Variants in OVCH2 observed in about 807,000 individuals in gnomAD.
OVCH2 encodes the protein ovochymase 2.
In OVCH2, 88 loss-of-function variants were observed where a neutral mutation model predicts 73.7. That is an observed-to-expected ratio of 1.19 (90% CI 1.01 to 1.43). OVCH2 has a LOEUF of 1.43. OVCH2 is among the 40% of genes most tolerant of loss of function. The probability of loss-of-function intolerance (pLI) is 0.00; values close to 1 mark genes in which losing one functional copy is unlikely to be tolerated. For missense variants in OVCH2, 706 were observed against 674.5 expected (o/e 1.05, Z -0.52); for synonymous variants, 265 against 234.5 (o/e 1.13, Z -1.19).
At chr11:7,678,954 T>G in the OVCH2 span, among the ~76,000 whole-genome samples, 24,557 of 152,152 alleles carry the variant, frequency 0.16, 2,062 homozygotes, top group Middle Eastern at 0.18. Context: ...AGGCAAACAT[T>G]TTTTTTAAAT....
downstream of OVCH2, among the ~76,000 whole-genome samples, chr11:7,687,166 T>C (rs995747807): frequency 2.6e-5 from 4 of 152,084 alleles, no homozygotes; most frequent in Non-Finnish European, 5.9e-5. Flanking sequence ...TCAGGGGATA[T>C]ATTTCAGGGC....
chr11:7,683,907 T>A, the OVCH2 span, among the ~76,000 whole-genome samples: 1 of 152,138 alleles, frequency 6.6e-6, no homozygotes, highest in Non-Finnish European at 1.5e-5. Context: ...GACCATACTT[T>A]TTTTTACAAT....
At chr11:7,690,913 A>T (rs1460428597) in intron 14 of OVCH2, among the ~76,000 whole-genome samples, 1 of 152,232 alleles carries the variant, frequency 6.6e-6, no homozygotes, top group Non-Finnish European at 1.5e-5. Flanking sequence ...CGTGTTAGAT[A>T]AGCTTTGTTC....
At chr11:7,688,642 T>A (rs1050994631), downstream of OVCH2, among the ~76,000 whole-genome samples, 4 of 151,258 alleles carry the variant, frequency 2.6e-5, no homozygotes, top group East Asian at 1.9e-4. Flanking sequence ...AAAATAAAAA[T>A]AAAAAATAAA....
chr11:7,692,932 T>G (rs1247156098), intron 12 of OVCH2, among the ~76,000 whole-genome samples: 2 of 152,364 alleles, frequency 1.3e-5, no homozygotes, highest in Middle Eastern at 3.4e-3. Context: ...TCTTAAAAAC[T>G]TGGCAGTGAA....
At chr11:7,681,866 A>AG in the OVCH2 span, among the ~76,000 whole-genome samples, 12 of 151,668 alleles carry the variant, frequency 7.9e-5, no homozygotes, top group Non-Finnish European at 8.8e-5. Context: ...AAAAAAAAAA[A>AG]AAAAAAGAAA....
rs182666528 is a variant in OVCH2, at chr11:7,696,550, A to T, written c.1056T>A (p.His352Gln). The T allele has an allele frequency of 5.1e-5, 82 of 1,614,026 alleles. No individual in the cohort carries two copies. Among genetic ancestry groups the T allele is most frequent in the Admixed American group, 8.3e-5 (5 of 60,020 alleles). ...CTAGGTGGGAAAAACTGAGCAACAC[A>T]TGCATTTCCTCTGGTACCAGCAGGG... Reference protein sequence around the residue: ...VWTLLVPEEMHVLLSFSHLDV... With the variant: ...VWTLLVPEEMQVLLSFSHLDV... Residue 352 changes from histidine (H) to glutamine (Q), a missense_variant, in exon 10 of 16, where the codon CAT (histidine) becomes CAA (glutamine). Transcript: ENST00000533663.
intron 1 of OVCH2, 105 bp from the exon 2 acceptor site, chr11:7,704,779 G>T: frequency 2.8e-6 from 2 of 703,168 alleles, no homozygotes; most frequent in Non-Finnish European, 4.9e-6. Context: ...ATGGTGTATG[G>T]TGCTCAGCAC....
the OVCH2 span, among the ~76,000 whole-genome samples, chr11:7,679,744 A>T: frequency 6.6e-5 from 10 of 152,240 alleles, no homozygotes; most frequent in African/African-American, 7.2e-5. Context: ...TAATACAGAA[A>T]GTTGGATGGA....
chr11:7,696,657 G>A, intron 9 of OVCH2, 52 bp downstream of exon 9: 1 of 1,613,774 alleles, frequency 6.2e-7, no homozygotes, highest in Non-Finnish European at 8.5e-7. Flanking sequence ...CAATTGGTGG[G>A]CCCAGACCGG....
At chr11:7,694,640 A>T (rs78944413) in intron 12 of OVCH2, among the ~76,000 whole-genome samples, 60 of 128,522 alleles carry the variant, frequency 4.7e-4, no homozygotes, top group East Asian at 2.7e-3. Flanking sequence ...TTGTGTTTTG[A>T]GAGTTTCGCT....
the OVCH2 span, among the ~76,000 whole-genome samples, chr11:7,679,734 T>C: frequency 6.6e-6 from 1 of 152,178 alleles, no homozygotes; most frequent in Admixed American, 6.5e-5. Flanking sequence ...GAAAATAGAC[T>C]AATACAGAAA....
chr11:7,682,615 G>C, the OVCH2 span, among the ~76,000 whole-genome samples: 1 of 152,190 alleles, frequency 6.6e-6, no homozygotes, highest in African/African-American at 2.4e-5. Context: ...CTGACTAAAT[G>C]CTCCTTTTGT....
the OVCH2 span, among the ~76,000 whole-genome samples, chr11:7,679,843 A>G: frequency 3.9e-5 from 6 of 152,306 alleles, no homozygotes; most frequent in African/African-American, 1.2e-4. Flanking sequence ...TTAATCAATT[A>G]TGCCTCATAA....
intron 13 of OVCH2, 59 bp from the exon 14 acceptor site, chr11:7,691,459 T>G: frequency 6.5e-7 from 1 of 1,543,210 alleles, no homozygotes; most frequent in South Asian, 1.2e-5. Context: ...AGCCATGGCA[T>G]TGGAGAGAAG....
chr11:7,698,739 G>T lies in OVCH2; in HGVS notation c.925+11C>A. The T allele has an allele frequency of 6.2e-7, 1 of 1,611,698 alleles. No homozygotes were observed. On this transcript the variant is annotated intron_variant, in intron 8 of 15. Transcript: ENST00000533663. Reference sequence around the variant, plus strand: ...GTGCTCCTGATGGAGCAGCCTGCAAGGGATACCCACCTCTGGAGCTCTTTC... The same window carrying T: ...GTGCTCCTGATGGAGCAGCCTGCAATGGATACCCACCTCTGGAGCTCTTTC...
At chr11:7,692,676 T>C (rs1346038969) in intron 12 of OVCH2, among the ~76,000 whole-genome samples, 3 of 152,198 alleles carry the variant, frequency 2.0e-5, no homozygotes, top group Admixed American at 2.0e-4. Flanking sequence ...AGGAAATCCT[T>C]GTATGAGTTA....
At position 7,691,524 on chromosome 11, in the gene OVCH2, C is replaced by G. The variant is rs1183418676; in HGVS notation, c.1508-124G>C. On this transcript the variant is annotated intron_variant, in intron 13 of 15. Coordinates refer to ENST00000533663, the MANE Select transcript of OVCH2 (RefSeq NM_198185.7). ...GTTGAGAAATACGCTTTTCACAATTCATTTTCTAAATAAAGGCAGCTCACT... is the reference window on the plus strand; with the variant it reads ...GTTGAGAAATACGCTTTTCACAATTGATTTTCTAAATAAAGGCAGCTCACT... The G allele has an allele frequency of 1.5e-5, 19 of 1,291,304 alleles. No individual in the cohort carries two copies. The East Asian group carries it at 4.6e-4, about 31-fold the overall frequency. The allele number at this position is 1,291,304 out of a possible 1,614,324, so 80.0% of individuals were successfully genotyped here.
rs1856321797 is a variant in OVCH2, at chr11:7,695,797, A to G, written c.1142-87T>C. 10 of 1,506,154 alleles carry G rather than the reference A, an allele frequency of 6.6e-6. No homozygotes were observed. In the South Asian group the frequency reaches 8.5e-5, roughly 13 times the overall value. The allele number at this position is 1,506,154 out of a possible 1,614,324, so 93.3% of individuals were successfully genotyped here. ...TTTAAGAAGAACTGAATTTGCCATG[A>G]TATTTCAGGATTGTCCAATCCAAAG... On this transcript the variant is annotated intron_variant, in intron 10 of 15. Coordinates refer to ENST00000533663, the MANE Select transcript of OVCH2 (RefSeq NM_198185.7).
Sources: allele counts gnomAD v4.1 joint callset (sites outside exome capture counted in the v4.1 genomes callset), GRCh38; gene constraint gnomAD v4.1.1; transcripts MANE v1.5; gene names NCBI Gene and HGNC (gene_info 2026-07-23, HGNC 2026-07-21).